ANO10: variants seen among roughly 807,000 people sequenced by gnomAD.
ANO10 encodes anoctamin 10, also known as anoctamin-10.
ANO10 carries 77 observed loss-of-function variants against 74.7 expected under a neutral mutation model. That is an observed-to-expected ratio of 1.03 (90% CI 0.86 to 1.25). The LOEUF (loss-of-function observed/expected upper bound fraction) is 1.25, where lower values mean the gene tolerates loss of function less well. Ranked by LOEUF, ANO10 falls within the 50% of genes most tolerant of loss-of-function variation. The probability of loss-of-function intolerance (pLI) is 0.00; values close to 1 mark genes in which losing one functional copy is unlikely to be tolerated. For synonymous variants in ANO10, 279 were observed against 284.9 expected, an observed-to-expected ratio of 0.98 and a Z score of 0.21; for missense variants, 721 against 778.1, an observed-to-expected ratio of 0.93 and a Z score of 0.87.
Position 43,366,790 on chromosome 3 carries a change from G to A in ANO10, c.*116C>T. The A allele has an allele frequency of 9.3e-7, 1 of 1,076,464 alleles. No homozygotes were observed. The highest frequency in any genetic ancestry group is 1.3e-5 in the South Asian group (1 of 74,670). 66.7% of individuals were successfully genotyped at this position (1,076,464 alleles called of 1,614,324 possible). ...CATGGGAGCCACTTCGTTTGGCTAAGCATTGGGTCTGGGTTCAGGAGCCAC... is the reference window on the plus strand; with the variant it reads ...CATGGGAGCCACTTCGTTTGGCTAAACATTGGGTCTGGGTTCAGGAGCCAC... On this transcript the variant is annotated 3_prime_UTR_variant, in exon 13 of 13. Coordinates refer to ENST00000292246, the MANE Select transcript of ANO10 (RefSeq NM_018075.5).
rs1575517647 is a variant in ANO10, at chr3:43,598,622, T to A, written c.382A>T (p.Ile128Phe). ...CTAAGATTTTCAAGTTCATGTTTGA[T>A]AATGAATTGACATTCTGCCATTGTC... ...FLTMAECQFI[I>F]KHELENLRAK... The change falls in exon 4 of 13, where the codon ATC (isoleucine) becomes TTC (phenylalanine). Residue 128 changes from isoleucine to phenylalanine, a missense_variant. Transcript: ENST00000292246. 1 of 1,611,162 alleles carries A rather than the reference T, an allele frequency of 6.2e-7. No individual in the cohort carries two copies. The highest frequency in any genetic ancestry group is 8.5e-7 in the Non-Finnish European group (1 of 1,178,482).
intron 4 of ANO10, among the ~76,000 whole-genome samples, chr3:43,585,177 A>T (rs1455441428): frequency 6.6e-6 from 1 of 152,214 alleles, no homozygotes; most frequent in Non-Finnish European, 1.5e-5. Flanking sequence ...CAGTTTAAGG[A>T]TCACACTCTC....
At chr3:43,377,065 C>A (rs1351391339) in intron 12 of ANO10, among the ~76,000 whole-genome samples, 1 of 152,128 alleles carries the variant, frequency 6.6e-6, no homozygotes, top group Non-Finnish European at 1.5e-5. Context: ...AGCATGACTT[C>A]TTTTTTAAAA....
At chr3:43,520,162 C>T (rs1395299137) in intron 11 of ANO10, among the ~76,000 whole-genome samples, 2 of 152,160 alleles carry the variant, frequency 1.3e-5, no homozygotes, top group East Asian at 1.9e-4. Context: ...GTCCATACAA[C>T]TTTCCTTCTT....
At chr3:43,621,541 C>T (rs935214394) in intron 1 of ANO10, among the ~76,000 whole-genome samples, 4 of 152,142 alleles carry the variant, frequency 2.6e-5, no homozygotes, top group African/African-American at 9.7e-5. Flanking sequence ...CTGCCTCCTT[C>T]CCCAAAGCGC....
intron 11 of ANO10, among the ~76,000 whole-genome samples, chr3:43,521,280 T>C (rs890081907): frequency 1.3e-5 from 2 of 152,224 alleles, no homozygotes; most frequent in Non-Finnish European, 2.9e-5. Flanking sequence ...AGTATGATGT[T>C]AACTGCAGGT....
intron 11 of ANO10, among the ~76,000 whole-genome samples, chr3:43,503,688 A>T (rs2149157286): frequency 6.6e-6 from 1 of 152,338 alleles, no homozygotes; most frequent in South Asian, 2.1e-4. Context: ...ACCAAATAAA[A>T]TAGTTTCAAA....
At chr3:43,615,812 C>A (rs2083072580) in intron 1 of ANO10, among the ~76,000 whole-genome samples, 1 of 151,970 alleles carries the variant, frequency 6.6e-6, no homozygotes, top group South Asian at 2.1e-4. Context: ...TGCCACCACG[C>A]CCAGCTAAGT....
chr3:43,573,012 A>G (rs2080813868), intron 7 of ANO10, among the ~76,000 whole-genome samples: 1 of 151,478 alleles, frequency 6.6e-6, no homozygotes, highest in Non-Finnish European at 1.5e-5. Context: ...TTTTTTTTAC[A>G]AGGAAGTTAC....
At chr3:43,450,654 C>T (rs1437293569) in intron 11 of ANO10, among the ~76,000 whole-genome samples, 1 of 152,208 alleles carries the variant, frequency 6.6e-6, no homozygotes, top group Non-Finnish European at 1.5e-5. Context: ...ATTTGCCACA[C>T]ACTTTTATAA....
At position 43,576,860 on chromosome 3, in the gene ANO10, C is replaced by T. The variant is rs1357073493; in HGVS notation, c.994G>A (p.Val332Ile). ...TCCATGTCGAAGTAAATCATCATGACATACAGTGAGAAATAGAGGCAGAGG... is the reference window on the plus strand; with the variant it reads ...TCCATGTCGAAGTAAATCATCATGATATACAGTGAGAAATAGAGGCAGAGG... ...VCLCLYFSLY[V>I]MMIYFDMEVW... Residue 332 changes from valine (V) to isoleucine (I), a missense_variant, in exon 6 of 13, where the codon GTC becomes ATC. By Grantham distance (29) the Val-to-Ile change is conservative. Coordinates refer to ENST00000292246, the MANE Select transcript of ANO10 (RefSeq NM_018075.5). 3 of 1,614,130 alleles carry T rather than the reference C, an allele frequency of 1.9e-6. No individual in the cohort carries two copies. Among genetic ancestry groups the T allele is most frequent in the South Asian group, 2.2e-5 (2 of 91,080 alleles).
chr3:43,643,457 C>G (rs2083691446), intron 1 of ANO10, among the ~76,000 whole-genome samples: 1 of 151,846 alleles, frequency 6.6e-6, no homozygotes, highest in Non-Finnish European at 1.5e-5. Context: ...CATTTCCACT[C>G]TCAGTAGAGT....
intron 9 of ANO10, among the ~76,000 whole-genome samples, chr3:43,556,344 T>C (rs2079748683): frequency 1.3e-5 from 2 of 152,194 alleles, no homozygotes; most frequent in South Asian, 4.1e-4. Flanking sequence ...TTTTCTCAGG[T>C]GTGCTATTGG....
At position 43,432,522 on chromosome 3, in the gene ANO10, T is replaced by G. The variant is rs2148941234; in HGVS notation, c.1914+89A>C. ...TCATTTAAACTGGTAACTTCAAGGCTGAAAAAAATGCTGAGACTGATTCTT... is the reference window on the plus strand; with the variant it reads ...TCATTTAAACTGGTAACTTCAAGGCGGAAAAAAATGCTGAGACTGATTCTT... On this transcript the variant is annotated intron_variant, in intron 12 of 12. Coordinates refer to ENST00000292246, the MANE Select transcript of ANO10 (RefSeq NM_018075.5). 3 of 1,208,566 alleles carry G rather than the reference T, an allele frequency of 2.5e-6. No individual in the cohort carries two copies. In the East Asian group the frequency reaches 7.0e-5, roughly 28 times the overall value. 74.9% of individuals were successfully genotyped at this position (1,208,566 alleles called of 1,614,324 possible). A position where few individuals can be genotyped will look rare whatever the true frequency, so the allele number is the denominator to read the frequency against.
rs371631937 is a variant in ANO10 at position 43,608,643 on chromosome 3, G to A, written c.-11-2780C>T. Among the ~76,000 whole-genome samples, 43 of 152,252 alleles carry A rather than the reference G, an allele frequency of 2.8e-4. No homozygotes were observed. The South Asian group carries it at 8.7e-3, about 31-fold the overall frequency. ...CCAGGCTAGTCTGGAGTACAGCGGT[G>A]TGATCGTGGCTCACTGCAGCCTCAA... On this transcript the variant is annotated intron_variant, in intron 1 of 12. Transcript: ENST00000292246.
At position 43,579,271 on chromosome 3, in the gene ANO10, T is replaced by C. The variant is rs182510649; in HGVS notation, c.592+1082A>G. 2.4e-4 allele frequency among the ~76,000 whole-genome samples: 37 copies of C among 152,320 alleles called. No individual in the cohort carries two copies. In the East Asian group the frequency reaches 6.4e-3, roughly 26 times the overall value. On this transcript the variant is annotated intron_variant, in intron 5 of 12. Coordinates refer to ENST00000292246, the MANE Select transcript of ANO10 (RefSeq NM_018075.5). The stretch of plus-strand genomic sequence containing the variant: ...GAAAATTGACAGATCCAGTAATGCA[T>C]GCCAAGGTAATTACAAATCACCTCA...
At chr3:43,566,110 A>G (rs1236880532) in intron 7 of ANO10, among the ~76,000 whole-genome samples, 1 of 152,170 alleles carries the variant, frequency 6.6e-6, no homozygotes, top group Non-Finnish European at 1.5e-5. Context: ...TCCCACCAGA[A>G]TACTGCGCTT....
In ANO10 at chr3:43,658,272, TA is replaced by T. The variant is rs1200678622; in HGVS notation, c.-12+33244del. Among the ~76,000 whole-genome samples, 9 of 151,956 alleles carry T rather than the reference TA, an allele frequency of 5.9e-5. No individual in the cohort carries two copies. In the South Asian group the frequency reaches 1.5e-3, roughly 25 times the overall value. ...CATCGAGAAAGGCCATAATCTAATATAAAAAAAATTCAAACAGATCTTTGTC... is the reference window on the plus strand; with the variant it reads ...CATCGAGAAAGGCCATAATCTAATATAAAAAAATTCAAACAGATCTTTGTC... On this transcript the variant is annotated intron_variant, in intron 1 of 3. Coordinates refer to the ANO10 transcript ENST00000413397.
intron 12 of ANO10, among the ~76,000 whole-genome samples, chr3:43,376,519 A>G (rs2091811844): frequency 6.6e-6 from 1 of 152,226 alleles, no homozygotes; most frequent in African/African-American, 2.4e-5. Flanking sequence ...ATTATATACG[A>G]AAGCTACAAT....
Sources: gnomAD v4.1 joint callset for allele counts (sites outside exome capture counted in the v4.1 genomes callset) on GRCh38, gnomAD v4.1.1 for gene constraint, MANE v1.5 for transcripts, NCBI Gene and HGNC (gene_info 2026-07-23, HGNC 2026-07-21) for gene names.